Variants in ATP11C observed in about 807,000 individuals in gnomAD.
The protein encoded by ATP11C is ATPase phospholipid transporting 11C (ATP11C blood group).
Under a neutral mutation model 97.4 loss-of-function variants are expected in ATP11C, and 36 were observed. The observed-to-expected ratio is 0.37, with a 90% CI of 0.28 to 0.49. The LOEUF (loss-of-function observed/expected upper bound fraction) is 0.49, where lower values mean the gene tolerates loss of function less well. Ranked by LOEUF, ATP11C falls within the 20% of genes least tolerant of loss-of-function variation. The pLI is 0.98. For missense variants in ATP11C, 730 were observed against 824.6 expected (o/e 0.89, Z 1.40); for synonymous variants, 275 against 290.9 (o/e 0.95, Z 0.56).
intron 1 of ATP11C, among the ~76,000 whole-genome samples, chrX:139,902,710 AAATAGCTCAC>A (rs1342100791): frequency 1.8e-5 from 2 of 111,143 alleles, no homozygotes; most frequent in Non-Finnish European, 3.8e-5. Context: ...CTGGTGGTAA[AAATAGCTCAC>A]TAGTTCTACA....
chrX:139,789,616 G>GA, intron 12 of ATP11C, 128 bp from the exon 13 acceptor site: 1 of 455,391 alleles, frequency 2.2e-6, no homozygotes, highest in Admixed American at 4.9e-5. Context: ...TCAAATGTCA[G>GA]GGAATTACAG....
rs1189812715 is a variant in ATP11C, at chrX:139,738,072, G to A, written c.3135-3C>T. Reference sequence around the variant, plus strand: ...TTCTCTGTTGCTTGAGAAAAGGCCTGCAGTGGAAAGAAAATACATGATGGA... The same window carrying A: ...TTCTCTGTTGCTTGAGAAAAGGCCTACAGTGGAAAGAAAATACATGATGGA... On this transcript the variant is annotated splice_polypyrimidine_tract_variant and splice_region_variant and intron_variant, in intron 27 of 29. Transcript: ENST00000682941. The A allele has an allele frequency of 1.0e-5, 12 of 1,178,325 alleles. No homozygotes were observed. Among genetic ancestry groups the A allele is most frequent in the African/African-American group, 5.4e-5 (3 of 55,995 alleles).
chrX:139,932,044 G>A lies in ATP11C; in HGVS notation c.-2C>T, dbSNP rs752761432. The A allele has an allele frequency of 3.4e-4, 394 of 1,161,126 alleles. No individual in the cohort carries two copies. The highest frequency in any genetic ancestry group is 4.3e-4 in the Non-Finnish European group (378 of 869,753). Reference sequence around the variant, plus strand: ...ACGATTCAAGCTCCGGCGGAACATCGCGTCGAAGGCTGCCGGGCGCTGAGC... The same window carrying A: ...ACGATTCAAGCTCCGGCGGAACATCACGTCGAAGGCTGCCGGGCGCTGAGC... On this transcript the variant is annotated 5_prime_UTR_variant, in exon 1 of 30. Coordinates refer to ENST00000682941, the MANE Select transcript of ATP11C (RefSeq NM_001353812.2).
intron 27 of ATP11C, among the ~76,000 whole-genome samples, chrX:139,739,907 T>C (rs1458329280): frequency 1.8e-5 from 2 of 111,862 alleles, no homozygotes; most frequent in African/African-American, 6.5e-5. Context: ...CAATTACCTA[T>C]AGAGGTACCA....
At chrX:139,880,603 T>C (rs1291943527) in intron 1 of ATP11C, among the ~76,000 whole-genome samples, 2 of 110,895 alleles carry the variant, frequency 1.8e-5, no homozygotes, top group African/African-American at 6.6e-5. Context: ...AAGGAGATAA[T>C]ATCCCATGTG....
intron 27 of ATP11C, 49 bp downstream of exon 27, chrX:139,740,942 G>A (rs1569424589): frequency 2.5e-5 from 20 of 787,432 alleles, no homozygotes; most frequent in African/African-American, 8.2e-5. Flanking sequence ...ACATACACAT[G>A]TATCTACTTT....
At chrX:139,804,620 T>A in intron 5 of ATP11C, 21 bp from the exon 6 acceptor site, 1 of 1,137,242 alleles carries the variant, frequency 8.8e-7, no homozygotes, top group Non-Finnish European at 1.2e-6. Context: ...GAAATAAATA[T>A]AAATATTTTA....
At chrX:139,730,305 T>C (rs2081315820) in intron 29 of ATP11C, among the ~76,000 whole-genome samples, 1 of 111,049 alleles carries the variant, frequency 9.0e-6, no homozygotes. Flanking sequence ...GGATACAAAA[T>C]TAGCCAGAAA....
chrX:139,834,986 C>T (rs2083725081), intron 1 of ATP11C, among the ~76,000 whole-genome samples: 1 of 112,332 alleles, frequency 8.9e-6, no homozygotes, highest in Admixed American at 9.4e-5. Context: ...ACATTCTGTA[C>T]AACATGTTTT....
At chrX:139,768,194 AT>A in intron 20 of ATP11C, 65 bp downstream of exon 20, 1 of 848,355 alleles carries the variant, frequency 1.2e-6, no homozygotes, top group Non-Finnish European at 1.5e-6. Flanking sequence ...TTTTAAAAAA[AT>A]AAACATTTGC....
chrX:139,742,300 A>AT (rs2081573500), intron 26 of ATP11C, among the ~76,000 whole-genome samples: 1 of 111,882 alleles, frequency 8.9e-6, no homozygotes, highest in Non-Finnish European at 1.9e-5. Flanking sequence ...TTCTATCTCG[A>AT]TTTTATAGAA....
intron 1 of ATP11C, among the ~76,000 whole-genome samples, chrX:139,853,930 C>T (rs185318985): frequency 6.7e-4 from 69 of 103,306 alleles, no homozygotes; most frequent in African/African-American, 2.4e-3. Flanking sequence ...TTAACATTAA[C>T]GACGGATAAT....
intron 1 of ATP11C, among the ~76,000 whole-genome samples, chrX:139,863,322 CAGG>C (rs1323833491): frequency 1.8e-5 from 2 of 111,621 alleles, no homozygotes; most frequent in Non-Finnish European, 3.8e-5. Context: ...CACTTGAGGT[CAGG>C]AGTTCGAGAC....
At chrX:139,839,533 T>C (rs1480988620) in intron 1 of ATP11C, among the ~76,000 whole-genome samples, 1 of 111,136 alleles carries the variant, frequency 9.0e-6, no homozygotes, top group Non-Finnish European at 1.9e-5. Context: ...AAAAAAGACA[T>C]AGTCCTTGCC....
intron 2 of ATP11C, 109 bp downstream of exon 2, chrX:139,826,595 C>A: frequency 1.7e-6 from 1 of 595,690 alleles, no homozygotes; most frequent in Non-Finnish European, 2.6e-6. Flanking sequence ...CATATACATG[C>A]AAATACATGT....
At chrX:139,835,825 G>A (rs1382723849) in intron 1 of ATP11C, among the ~76,000 whole-genome samples, 5 of 104,188 alleles carry the variant, frequency 4.8e-5, no homozygotes, top group African/African-American at 1.7e-4. Context: ...TCAGGAGTTT[G>A]AGACTAGCCT....
At position 139,932,274 on chromosome X, in the gene ATP11C, T is replaced by G; in HGVS notation, c.-232A>C. 1 of 114,458 alleles carries G rather than the reference T, an allele frequency of 8.7e-6. No homozygotes were observed. 9.4% of individuals were successfully genotyped at this position (114,458 alleles called of 1,213,427 possible). A position where few individuals can be genotyped will look rare whatever the true frequency, so the allele number is the denominator to read the frequency against. The stretch of plus-strand genomic sequence containing the variant: ...ACTCGCGGCCCGCCCCCGGCCTGCC[T>G]GACCCGGGGGCGGCGGCCCCGCGGA... On this transcript the variant is annotated 5_prime_UTR_variant, in exon 1 of 30. Transcript: ENST00000682941.
intron 28 of ATP11C, among the ~76,000 whole-genome samples, chrX:139,736,556 G>A (rs948639299): frequency 5.4e-5 from 6 of 111,550 alleles, no homozygotes; most frequent in Admixed American, 3.8e-4. Flanking sequence ...CATGCAAATT[G>A]CCACTTGAGA....
intron 28 of ATP11C, among the ~76,000 whole-genome samples, chrX:139,733,888 G>T (rs1014756319): frequency 3.6e-5 from 4 of 111,670 alleles, no homozygotes; most frequent in African/African-American, 1.3e-4. Context: ...TAAAGGAAAT[G>T]AAAGTACAGA....
Sources: gnomAD v4.1 joint callset for allele counts (sites outside exome capture counted in the v4.1 genomes callset) on GRCh38, gnomAD v4.1.1 for gene constraint, MANE v1.5 for transcripts, NCBI Gene and HGNC (gene_info 2026-07-23, HGNC 2026-07-21) for gene names.